Variants in IGF1R observed in about 807,000 individuals in gnomAD.
IGF1R encodes insulin-like growth factor 1 receptor.
Under a neutral mutation model 144.6 loss-of-function variants are expected in IGF1R, and 44 were observed. The ratio of observed to expected loss-of-function variants is 0.30; its 90% CI spans 0.24 to 0.39. The LOEUF (loss-of-function observed/expected upper bound fraction) is 0.39. Ranked by LOEUF, IGF1R falls within the 10% of genes least tolerant of loss-of-function variation. IGF1R has a pLI of 1.00. For missense variants in IGF1R, 1,355 were observed against 1,833.7 expected (o/e 0.74, Z 4.77); for synonymous variants, 795 against 722.8 (o/e 1.10, Z -1.60).
At chr15:98,883,105 C>T (rs1047100359) in intron 2 of IGF1R, among the ~76,000 whole-genome samples, 5 of 152,186 alleles carry the variant, frequency 3.3e-5, no homozygotes, top group Admixed American at 6.5e-5. Context: ...TTCTCTAGAA[C>T]AAGAGGTTGT....
chr15:98,893,040 G>A (rs1477717302), intron 3 of IGF1R, among the ~76,000 whole-genome samples: 1 of 152,146 alleles, frequency 6.6e-6, no homozygotes, highest in African/African-American at 2.4e-5. Context: ...GGAAAGTTCT[G>A]TTTTAGTGGA....
chr15:98,787,426 CGTT>C (rs1319229390), intron 2 of IGF1R, among the ~76,000 whole-genome samples: 1 of 152,154 alleles, frequency 6.6e-6, no homozygotes, highest in African/African-American at 2.4e-5. Flanking sequence ...ATCCTGAAGG[CGTT>C]GGAGCGTGAG....
chr15:98,739,371 A>G (rs1311693848), intron 2 of IGF1R, among the ~76,000 whole-genome samples: 1 of 152,128 alleles, frequency 6.6e-6, no homozygotes, highest in Non-Finnish European at 1.5e-5. Flanking sequence ...CTGTGTTTTC[A>G]TGATCTCCCC....
chr15:98,847,569 G>A (rs923972636), intron 2 of IGF1R, among the ~76,000 whole-genome samples: 1 of 152,138 alleles, frequency 6.6e-6, no homozygotes, highest in Non-Finnish European at 1.5e-5. Context: ...ACGATGAAGA[G>A]TCCAGCATGC....
intron 2 of IGF1R, among the ~76,000 whole-genome samples, chr15:98,780,635 A>T (rs532414402): frequency 4.6e-5 from 7 of 150,978 alleles, no homozygotes; most frequent in African/African-American, 1.7e-4. Context: ...GGAATTTTTT[A>T]AACTACCTTG....
In IGF1R at chr15:98,788,052, C is replaced by CTG. The variant is rs1167503156; in HGVS notation, c.640+79946_640+79947insGT. Among the ~76,000 whole-genome samples the CTG allele has an allele frequency of 2.5e-3, 355 of 139,618 alleles. 4 individuals are homozygous for CTG. Among genetic ancestry groups the CTG allele is most frequent in the African/African-American group, 8.8e-3 (310 of 35,278 alleles). 91.6% of individuals were successfully genotyped at this position (139,618 alleles called of 152,430 possible). A position where few individuals can be genotyped will look rare whatever the true frequency, so the allele number is the denominator to read the frequency against. ...GGTAGGGATCTCTCTCTCTCTCTCT[C>CTG]TCTCTCTCTCTGTGTGTGTGTGTGT... On this transcript the variant is annotated intron_variant, in intron 2 of 20. Transcript: ENST00000650285.
At chr15:98,941,888 A>C (rs527959092) in intron 18 of IGF1R, among the ~76,000 whole-genome samples, 1 of 152,216 alleles carries the variant, frequency 6.6e-6, no homozygotes, top group Non-Finnish European at 1.5e-5. Context: ...CCACTTAAGA[A>C]AAGGTTGTAT....
At chr15:98,705,741 C>T (rs919215296) in intron 1 of IGF1R, among the ~76,000 whole-genome samples, 2 of 152,158 alleles carry the variant, frequency 1.3e-5, no homozygotes, top group Non-Finnish European at 2.9e-5. Flanking sequence ...TTCACTTATT[C>T]CGTCCTGCAC....
rs73473457 is a variant in IGF1R at position 98,693,152 on chromosome 15, C to T, written c.95-14410C>T. On this transcript the variant is annotated intron_variant, in intron 1 of 20. Coordinates refer to ENST00000650285, the MANE Select transcript of IGF1R (RefSeq NM_000875.5). ...AACGTCCTTGCTATTTCCTGCTGTG[C>T]CATCCAGCAACTATAGGATGCTGTG... Among the ~76,000 whole-genome samples the T allele has an allele frequency of 4.0e-3, 613 of 152,278 alleles. 4 individuals are homozygous for T. Among genetic ancestry groups the T allele is most frequent in the African/African-American group, 0.014 (577 of 41,560 alleles).
intron 2 of IGF1R, among the ~76,000 whole-genome samples, chr15:98,746,870 G>A (rs1034571218): frequency 3.9e-5 from 6 of 152,276 alleles, no homozygotes; most frequent in South Asian, 2.1e-4. Context: ...GCACTTGAAT[G>A]GTGTCAGTAA....
chr15:98,894,999 C>T (rs566679589), intron 3 of IGF1R, among the ~76,000 whole-genome samples: 3 of 143,892 alleles, frequency 2.1e-5, no homozygotes, highest in Non-Finnish European at 4.5e-5. Flanking sequence ...GTAGCCTGGG[C>T]GACAGAGTGA....
intron 2 of IGF1R, among the ~76,000 whole-genome samples, chr15:98,728,017 T>TTA (rs1488272042): frequency 6.6e-6 from 1 of 150,386 alleles, no homozygotes. Context: ...GTTTTTTTTT[T>TTA]TTTTTTTTTT....
At chr15:98,791,986 T>A (rs1289227995) in intron 2 of IGF1R, among the ~76,000 whole-genome samples, 2 of 152,216 alleles carry the variant, frequency 1.3e-5, no homozygotes, top group Non-Finnish European at 2.9e-5. Flanking sequence ...GGTTTGAGGA[T>A]CAGAATGGTG....
chr15:98,734,303 TA>T (rs2054563296), intron 2 of IGF1R, among the ~76,000 whole-genome samples: 1 of 152,214 alleles, frequency 6.6e-6, no homozygotes, highest in East Asian at 1.9e-4. Context: ...CCGTGTTTTT[TA>T]AAAAAATTAA....
intron 1 of IGF1R, among the ~76,000 whole-genome samples, chr15:98,697,886 C>T (rs970227009): frequency 2.0e-5 from 3 of 147,846 alleles, no homozygotes; most frequent in Non-Finnish European, 3.0e-5. Flanking sequence ...TACACGCGCC[C>T]GCCACCATGC....
At chr15:98,660,314 C>T (rs1293162631) in intron 1 of IGF1R, 1 of 151,920 alleles carries the variant, frequency 6.6e-6, no homozygotes, top group South Asian at 2.1e-4. Context: ...TGTAATTTCA[C>T]CCTCTCTCTG....
At chr15:98,846,710 T>C (rs2141546004) in intron 2 of IGF1R, among the ~76,000 whole-genome samples, 1 of 152,312 alleles carries the variant, frequency 6.6e-6, no homozygotes, top group Non-Finnish European at 1.5e-5. Context: ...GGGGCAGTGT[T>C]TCTCTTATGC....
chr15:98,649,168 T>TCCGGCCGC lies in IGF1R; in HGVS notation c.-412_-405dup, dbSNP rs1195204336. 9.1e-6 allele frequency: 2 copies of TCCGGCCGC among 219,298 alleles called. No homozygotes were observed. Among genetic ancestry groups the TCCGGCCGC allele is most frequent in the African/African-American group, 4.5e-5 (2 of 44,396 alleles). 13.6% of individuals were successfully genotyped at this position (219,298 alleles called of 1,614,324 possible). A position where few individuals can be genotyped will look rare whatever the true frequency, so the allele number is the denominator to read the frequency against. On this transcript the variant is annotated 5_prime_UTR_variant, in exon 1 of 21. Transcript: ENST00000650285. ...CCCTCCCGCGGCGGAAGCTCGGGCGTCCGGCCGCCTCCCGCGCGGCCAGGG... is the reference window on the plus strand; with the variant it reads ...CCCTCCCGCGGCGGAAGCTCGGGCGTCCGGCCGCCCGGCCGCCTCCCGCGCGGCCAGGG...
At chr15:98,781,601 T>G (rs915197534) in intron 2 of IGF1R, among the ~76,000 whole-genome samples, 1 of 152,224 alleles carries the variant, frequency 6.6e-6, no homozygotes, top group African/African-American at 2.4e-5. Flanking sequence ...CAAATGCTTT[T>G]TGAATAGAAA....
Sources: gnomAD v4.1 joint callset for allele counts (sites outside exome capture counted in the v4.1 genomes callset) on GRCh38, gnomAD v4.1.1 for gene constraint, MANE v1.5 for transcripts, NCBI Gene and HGNC (gene_info 2026-07-23, HGNC 2026-07-21) for gene names.